ASTN2: variants seen among roughly 807,000 people sequenced by gnomAD.
ASTN2 encodes astrotactin 2.
A neutral mutation model predicts 139.8 loss-of-function variants in ASTN2; 54 were observed. The observed-to-expected ratio is 0.39, with a 90% CI of 0.31 to 0.48. The LOEUF (loss-of-function observed/expected upper bound fraction) is 0.48, where lower values mean the gene tolerates loss of function less well. ASTN2 is among the 20% of genes least tolerant of loss of function. ASTN2 has a pLI of 0.95. For synonymous variants in ASTN2, 756 were observed against 719.5 expected, an observed-to-expected ratio of 1.05 and a Z score of -0.81; for missense variants, 1,565 against 1,725.1, an observed-to-expected ratio of 0.91 and a Z score of 1.64.
At chr9:117,268,065 T>C (rs1198422196) in intron 2 of ASTN2, among the ~76,000 whole-genome samples, 8 of 152,310 alleles carry the variant, frequency 5.3e-5, no homozygotes, top group African/African-American at 1.9e-4. Flanking sequence ...GAATAGATTA[T>C]AAATGTGGTT....
intron 11 of ASTN2, among the ~76,000 whole-genome samples, chr9:116,839,885 T>TATTATTATTA (rs1564297207): frequency 8.6e-6 from 1 of 116,582 alleles, no homozygotes; most frequent in African/African-American, 3.9e-5. Flanking sequence ...ATTATTATTT[T>TATTATTATTA]TTTTTTTTTA....
At chr9:117,375,697 G>A (rs1830104229) in intron 1 of ASTN2, among the ~76,000 whole-genome samples, 1 of 152,174 alleles carries the variant, frequency 6.6e-6, no homozygotes, top group Non-Finnish European at 1.5e-5. Context: ...TAGTGAGGAT[G>A]TGTGTGAGTT....
chr9:116,453,629 A>T, intron 20 of ASTN2, among the ~76,000 whole-genome samples: 1 of 150,730 alleles, frequency 6.6e-6, no homozygotes, highest in East Asian at 2.0e-4. Flanking sequence ...AAGAATGAAT[A>T]GCATGAGAAA....
At chr9:116,492,033 C>A (rs1298176876) in intron 19 of ASTN2, among the ~76,000 whole-genome samples, 1 of 151,420 alleles carries the variant, frequency 6.6e-6, no homozygotes, top group African/African-American at 2.4e-5. Flanking sequence ...TATACTGGAA[C>A]ACAGTAAGAG....
intron 13 of ASTN2, among the ~76,000 whole-genome samples, chr9:116,748,438 T>C (rs1019465132): frequency 6.6e-6 from 1 of 152,208 alleles, no homozygotes; most frequent in African/African-American, 2.4e-5. Context: ...AGCTGCTTAC[T>C]TTATCACAGC....
intron 19 of ASTN2, chr9:116,584,649 G>A (rs1456145704): frequency 6.6e-6 from 1 of 152,170 alleles, no homozygotes; most frequent in East Asian, 1.9e-4. Flanking sequence ...AAAGATGTCT[G>A]TTCTTACCAC....
intron 3 of ASTN2, among the ~76,000 whole-genome samples, chr9:117,198,630 TTATATTCCTTTGGG>T (rs1223364628): frequency 6.6e-6 from 1 of 152,174 alleles, no homozygotes; most frequent in Non-Finnish European, 1.5e-5. Flanking sequence ...ATAGAATGAT[TTATATTCCTTTGGG>T]TATATACCCA....
At chr9:116,990,394 G>C (rs1435663575) in intron 7 of ASTN2, among the ~76,000 whole-genome samples, 2 of 141,726 alleles carry the variant, frequency 1.4e-5, no homozygotes, top group African/African-American at 4.9e-5. Flanking sequence ...CGCCTCCCGA[G>C]TAGCTGGGAC....
At chr9:116,892,981 G>A (rs3849139) in intron 10 of ASTN2, among the ~76,000 whole-genome samples, 122,096 of 152,034 alleles carry the variant, frequency 0.8, 50,329 homozygotes, top group Non-Finnish European at 0.9. Context: ...TCCCATGGCC[G>A]ATGGCACTTA....
chr9:116,829,435 A>C (rs915040258), intron 11 of ASTN2, among the ~76,000 whole-genome samples: 31 of 151,952 alleles, frequency 2.0e-4, no homozygotes, highest in African/African-American at 7.5e-4. Context: ...TTAGTCCGTT[A>C]TCACACTACT....
At chr9:116,934,779 TG>T (rs1241868589) in intron 10 of ASTN2, among the ~76,000 whole-genome samples, 1 of 152,174 alleles carries the variant, frequency 6.6e-6, no homozygotes, top group Non-Finnish European at 1.5e-5. Flanking sequence ...GTTAAAAAAA[TG>T]GCTTTTGAAT....
At chr9:116,621,441 GCACACA>G (rs10547546) in intron 17 of ASTN2, among the ~76,000 whole-genome samples, 10 of 148,040 alleles carry the variant, frequency 6.8e-5, no homozygotes, top group East Asian at 6.0e-4. Context: ...ACACATGCAC[GCACACA>G]CACACACACA....
At chr9:116,766,207 A>C (rs886243963) in intron 13 of ASTN2, among the ~76,000 whole-genome samples, 3 of 152,076 alleles carry the variant, frequency 2.0e-5, no homozygotes, top group African/African-American at 7.2e-5. Context: ...CCACTGGGCC[A>C]AACTTGAGCC....
intron 10 of ASTN2, among the ~76,000 whole-genome samples, chr9:116,882,487 G>A (rs902650874): frequency 2.0e-5 from 3 of 152,168 alleles, no homozygotes; most frequent in African/African-American, 7.2e-5. Context: ...AAAAGGAGGA[G>A]GAGGAGAGGT....
At chr9:117,152,939 T>C (rs141775166) in intron 3 of ASTN2, among the ~76,000 whole-genome samples, 1 of 152,264 alleles carries the variant, frequency 6.6e-6, no homozygotes, top group African/African-American at 2.4e-5. Context: ...TTAAGGTAAA[T>C]ACAGCCATCA....
At chr9:116,733,343 T>C in intron 14 of ASTN2, 56 bp downstream of exon 14, 1 of 1,603,146 alleles carries the variant, frequency 6.2e-7, no homozygotes, top group East Asian at 2.2e-5. Context: ...GCACTAGGTG[T>C]GGAGACTCGG....
At chr9:116,975,389 A>C (rs754633840) in intron 9 of ASTN2, 44 bp from the exon 10 acceptor site, 2 of 1,529,412 alleles carry the variant, frequency 1.3e-6, no homozygotes, top group Non-Finnish European at 1.8e-6. Flanking sequence ...TGGGAAGCAG[A>C]GAGCAAACAG....
chr9:117,063,746 T>C (rs1839366948), intron 5 of ASTN2, among the ~76,000 whole-genome samples: 1 of 152,148 alleles, frequency 6.6e-6, no homozygotes, highest in South Asian at 2.1e-4. Context: ...TTTGCTTTTA[T>C]AAGAAAGCAC....
At chr9:116,445,757 G>A (rs1429172421) in intron 20 of ASTN2, among the ~76,000 whole-genome samples, 3 of 152,204 alleles carry the variant, frequency 2.0e-5, no homozygotes, top group African/African-American at 4.8e-5. Flanking sequence ...TATCTCACAA[G>A]TTGGTGGTCA....
Sources: gnomAD v4.1 joint callset for allele counts (sites outside exome capture counted in the v4.1 genomes callset) on GRCh38, gnomAD v4.1.1 for gene constraint, MANE v1.5 for transcripts, NCBI Gene and HGNC (gene_info 2026-07-23, HGNC 2026-07-21) for gene names.